The following TYW1 variants were observed in gnomAD, a reference collection of about 807,000 sequenced individuals.
TYW1 encodes tRNA-yW synthesizing protein 1 homolog.
Under a neutral mutation model 96.2 loss-of-function variants are expected in TYW1, and 46 were observed. The ratio of observed to expected loss-of-function variants is 0.48; its 90% CI spans 0.38 to 0.61. TYW1 has a LOEUF of 0.61. TYW1 is among the 20% of genes least tolerant of loss of function. TYW1 has a pLI of 0.00. For missense variants in TYW1, 684 were observed against 909.6 expected (o/e 0.75, Z 3.19); for synonymous variants, 274 against 323.0 (o/e 0.85, Z 1.63).
At chr7:67,130,008 T>C (rs1798016019) in intron 13 of TYW1, among the ~76,000 whole-genome samples, 1 of 152,206 alleles carries the variant, frequency 6.6e-6, no homozygotes, top group Non-Finnish European at 1.5e-5. Flanking sequence ...ATATATGTGC[T>C]GTTCCATTCC....
chr7:67,230,927 A>C (rs1801734285), intron 15 of TYW1, among the ~76,000 whole-genome samples: 1 of 152,104 alleles, frequency 6.6e-6, no homozygotes, highest in South Asian at 2.1e-4. Context: ...GGTGTGAGCC[A>C]CCATGCCTGG....
chr7:67,235,479 A>T (rs560462407), intron 15 of TYW1, among the ~76,000 whole-genome samples: 2 of 152,244 alleles, frequency 1.3e-5, no homozygotes, highest in East Asian at 3.9e-4. Flanking sequence ...TCATGAATAC[A>T]CAGTGAAGCA....
At chr7:67,050,770 T>C (rs1795328525) in intron 8 of TYW1, among the ~76,000 whole-genome samples, 1 of 152,228 alleles carries the variant, frequency 6.6e-6, no homozygotes, top group Non-Finnish European at 1.5e-5. Context: ...GCTTTTTGAT[T>C]TCCCTTTTCC....
At chr7:67,065,556 A>G (rs966315555) in intron 9 of TYW1, among the ~76,000 whole-genome samples, 7 of 151,570 alleles carry the variant, frequency 4.6e-5, no homozygotes, top group African/African-American at 1.5e-4. Flanking sequence ...TGTACATTTT[A>G]TTAGGAACTT....
At chr7:67,120,935 G>A (rs1584587277) in intron 13 of TYW1, among the ~76,000 whole-genome samples, 2 of 152,260 alleles carry the variant, frequency 1.3e-5, no homozygotes, top group East Asian at 3.9e-4. Context: ...AATTCTTGTT[G>A]GAATGTTTCT....
chr7:67,057,678 T>C (rs1222712818), intron 9 of TYW1, among the ~76,000 whole-genome samples: 1 of 152,108 alleles, frequency 6.6e-6, no homozygotes. Context: ...GCCAAGAACA[T>C]CTTGTGTTGT....
intron 8 of TYW1, among the ~76,000 whole-genome samples, chr7:67,055,545 G>A (rs1418324027): frequency 6.6e-6 from 1 of 151,036 alleles, no homozygotes; most frequent in Admixed American, 6.6e-5. Flanking sequence ...GCTGCAGTGA[G>A]CTGAGATCAC....
chr7:67,161,143 G>A (rs1439771840), intron 13 of TYW1, among the ~76,000 whole-genome samples: 1 of 152,074 alleles, frequency 6.6e-6, no homozygotes, highest in African/African-American at 2.4e-5. Context: ...AGTAAGCCTT[G>A]TTTTCTAGCA....
rs372150232 is a variant in TYW1 at position 67,153,357 on chromosome 7, G to A, written c.1699-29769G>A. On this transcript the variant is annotated intron_variant, in intron 13 of 15. Transcript: ENST00000359626. ...TATAATCCCAGCTGCTTGGGAGACC[G>A]AGACAGGAGAATCGCTTGAACATGG... Among the ~76,000 whole-genome samples, 78 of 152,308 alleles carry A rather than the reference G, an allele frequency of 5.1e-4. 1 individual carries two copies. In the South Asian group the frequency reaches 0.016, roughly 31 times the overall value.
At chr7:67,055,684 C>A (rs1422789430) in intron 8 of TYW1, 151 bp from the exon 9 acceptor site, 1 of 520,378 alleles carries the variant, frequency 1.9e-6, no homozygotes, top group Non-Finnish European at 3.5e-6. Context: ...TCTCATCTTG[C>A]TGAATTAAAT....
At chr7:67,007,685 T>C (rs917540113) in intron 3 of TYW1, among the ~76,000 whole-genome samples, 3 of 151,984 alleles carry the variant, frequency 2.0e-5, no homozygotes, top group African/African-American at 7.3e-5. Context: ...CAGGCTGGAG[T>C]GCAGTGTGGC....
intron 13 of TYW1, among the ~76,000 whole-genome samples, chr7:67,139,580 C>G (rs1483063755): frequency 2.0e-5 from 3 of 152,082 alleles, no homozygotes; most frequent in Non-Finnish European, 2.9e-5. Flanking sequence ...CTGCAGAACC[C>G]ACAGATATGA....
intron 6 of TYW1, among the ~76,000 whole-genome samples, chr7:67,022,617 T>TA: frequency 6.6e-6 from 1 of 152,322 alleles, no homozygotes; most frequent in East Asian, 1.9e-4. Flanking sequence ...CTAGAAGATC[T>TA]AAAAATGGAC....
At chr7:67,158,888 T>C (rs2116206934) in intron 13 of TYW1, among the ~76,000 whole-genome samples, 1 of 152,334 alleles carries the variant, frequency 6.6e-6, no homozygotes. Flanking sequence ...ATTTTTGATA[T>C]TGGTAATTTG....
chr7:67,107,314 C>G (rs1333805483), intron 12 of TYW1, among the ~76,000 whole-genome samples: 1 of 152,140 alleles, frequency 6.6e-6, no homozygotes, highest in African/African-American at 2.4e-5. Flanking sequence ...CTGATACTTT[C>G]AATAGAAGTT....
At chr7:67,005,547 G>A (rs534692076) in intron 3 of TYW1, among the ~76,000 whole-genome samples, 84 of 152,350 alleles carry the variant, frequency 5.5e-4, no homozygotes, top group Middle Eastern at 6.8e-3. Context: ...AGTAAGCCGT[G>A]ACTGTGCCAC....
At chr7:67,178,634 A>G (rs577665569) in intron 13 of TYW1, among the ~76,000 whole-genome samples, 2 of 152,288 alleles carry the variant, frequency 1.3e-5, no homozygotes, top group East Asian at 1.9e-4. Context: ...ATGGAGCAAC[A>G]TAGGTGAATT....
chr7:67,072,193 C>T lies in TYW1; in HGVS notation c.1274+4790C>T, dbSNP rs538745206. 3.9e-4 allele frequency among the ~76,000 whole-genome samples: 58 copies of T among 149,120 alleles called. 1 individual carries two copies. Among genetic ancestry groups the T allele is most frequent in the African/African-American group, 1.4e-3 (56 of 40,372 alleles). On this transcript the variant is annotated intron_variant, in intron 10 of 15. Transcript: ENST00000359626. The stretch of plus-strand genomic sequence containing the variant: ...TGTTTACCTCAACTATAATTTTTTT[C>T]TTAACAGCAAGTTGTTCATGTACCT...
At chr7:67,105,580 T>C (rs1438511854) in intron 12 of TYW1, among the ~76,000 whole-genome samples, 2 of 152,200 alleles carry the variant, frequency 1.3e-5, no homozygotes, top group Admixed American at 6.5e-5. Context: ...AGTACTTATC[T>C]TTTCCAGGAA....
Sources: gnomAD v4.1 joint callset for allele counts (sites outside exome capture counted in the v4.1 genomes callset) on GRCh38, gnomAD v4.1.1 for gene constraint, MANE v1.5 for transcripts, NCBI Gene and HGNC (gene_info 2026-07-23, HGNC 2026-07-21) for gene names.